Variants in PTN observed in about 807,000 individuals in gnomAD.
PTN encodes pleiotrophin.
A neutral mutation model predicts 24.1 loss-of-function variants in PTN; 18 were observed. That is an observed-to-expected ratio of 0.75 (90% confidence interval 0.52 to 1.11). PTN has a LOEUF of 1.11. Ranked by LOEUF, PTN falls within the 50% of genes least tolerant of loss-of-function variation. The pLI, the probability that PTN is intolerant of heterozygous loss-of-function variation, is 0.00. For missense variants in PTN, 163 were observed against 198.8 expected, an observed-to-expected ratio of 0.82 and a Z score of 1.08; for synonymous variants, 78 against 68.6, an observed-to-expected ratio of 1.14 and a Z score of -0.67.
At chr7:137,303,662 C>T (rs191974281) in intron 1 of PTN, among the ~76,000 whole-genome samples, 12 of 152,002 alleles carry the variant, frequency 7.9e-5, no homozygotes, top group African/African-American at 2.9e-4. Flanking sequence ...TAATTTGATT[C>T]TTATGTTAAT....
At chr7:137,253,012 A>T (rs1808855127) in intron 3 of PTN, among the ~76,000 whole-genome samples, 1 of 152,168 alleles carries the variant, frequency 6.6e-6, no homozygotes, top group Non-Finnish European at 1.5e-5. Flanking sequence ...GAGAATAAAT[A>T]AGAAAAGGGG....
intron 1 of PTN, among the ~76,000 whole-genome samples, chr7:137,257,254 G>A (rs1329342916): frequency 2.6e-5 from 4 of 152,184 alleles, no homozygotes; most frequent in Non-Finnish European, 5.9e-5. Context: ...TCTTCCTCCT[G>A]AGGCTAAATT....
At chr7:137,293,189 C>T (rs985672936) in intron 1 of PTN, among the ~76,000 whole-genome samples, 1 of 152,080 alleles carries the variant, frequency 6.6e-6, no homozygotes, top group South Asian at 2.1e-4. Context: ...GAGCTGAACA[C>T]CTGAATTGGC....
At chr7:137,337,490 T>TA (rs1415424789) in intron 1 of PTN, among the ~76,000 whole-genome samples, 2 of 152,132 alleles carry the variant, frequency 1.3e-5, no homozygotes, top group African/African-American at 2.4e-5. Flanking sequence ...GAAACATTTT[T>TA]AAAAACAGGC....
intron 1 of PTN, among the ~76,000 whole-genome samples, chr7:137,297,901 A>T (rs61600011): frequency 0.62 from 93,457 of 151,644 alleles, 29,237 homozygotes; most frequent in South Asian, 0.7. Context: ...AAGCTTTCCA[A>T]AGTGGGCAGG....
chr7:137,271,612 C>T (rs757135052), intron 1 of PTN, among the ~76,000 whole-genome samples: 1 of 152,200 alleles, frequency 6.6e-6, no homozygotes, highest in Non-Finnish European at 1.5e-5. Context: ...TCAAAGAAGA[C>T]TCGGCTGTTT....
chr7:137,256,171 T>C (rs1264583486), intron 1 of PTN, among the ~76,000 whole-genome samples: 2 of 152,204 alleles, frequency 1.3e-5, no homozygotes, highest in Non-Finnish European at 2.9e-5. Flanking sequence ...CTGTCTCTTA[T>C]TAGTGTTTTT....
chr7:137,299,937 C>A (rs911075670), intron 1 of PTN, among the ~76,000 whole-genome samples: 2 of 151,928 alleles, frequency 1.3e-5, no homozygotes, highest in Non-Finnish European at 2.9e-5. Context: ...TCAAAAGTCC[C>A]CTTCATTGGG....
chr7:137,264,880 G>A (rs1353562909), intron 1 of PTN, among the ~76,000 whole-genome samples: 1 of 152,140 alleles, frequency 6.6e-6, no homozygotes, highest in Non-Finnish European at 1.5e-5. Context: ...TAGACATGGG[G>A]GCCAGCCTTT....
At chr7:137,261,913 C>G (rs1353257030) in intron 1 of PTN, among the ~76,000 whole-genome samples, 1 of 152,142 alleles carries the variant, frequency 6.6e-6, no homozygotes, top group Non-Finnish European at 1.5e-5. Flanking sequence ...GATTTATACT[C>G]AAACAAAGTA....
intron 1 of PTN, among the ~76,000 whole-genome samples, chr7:137,305,124 T>C (rs1010813052): frequency 6.6e-6 from 1 of 151,918 alleles, no homozygotes; most frequent in Non-Finnish European, 1.5e-5. Context: ...ACACACAGAG[T>C]ACATCCTCTC....
chr7:137,300,560 G>T lies in PTN; in HGVS notation c.-2+42879C>A, dbSNP rs188466432. ...CCTTGGGAGGCAGGGGTGAGTTAGG[G>T]AGTTTTTCAGACACAGTAAAGCCTG... is the stretch of plus-strand genomic sequence containing the variant. On this transcript the variant is annotated intron_variant, in intron 1 of 4. Transcript: ENST00000348225. 1.1e-3 allele frequency among the ~76,000 whole-genome samples: 162 copies of T among 152,010 alleles called. No individual in the cohort carries two copies. The Middle Eastern group carries it at 0.014, about 13-fold the overall frequency.
intron 4 of PTN, among the ~76,000 whole-genome samples, chr7:137,240,516 T>C (rs1370985736): frequency 6.6e-6 from 1 of 152,138 alleles, no homozygotes; most frequent in Non-Finnish European, 1.5e-5. Flanking sequence ...CTAAAATATT[T>C]GCTGAAAGAA....
chr7:137,270,068 C>G (rs1354824616), intron 1 of PTN, among the ~76,000 whole-genome samples: 1 of 152,184 alleles, frequency 6.6e-6, no homozygotes, highest in East Asian at 1.9e-4. Context: ...GTGGTATTCT[C>G]AAGACACGAC....
chr7:137,316,138 C>T (rs1299091196), intron 1 of PTN, among the ~76,000 whole-genome samples: 1 of 152,164 alleles, frequency 6.6e-6, no homozygotes. Flanking sequence ...TGAACAGAAT[C>T]ATCTCTTAAG....
At chr7:137,288,908 A>C (rs1775076989) in intron 1 of PTN, among the ~76,000 whole-genome samples, 1 of 152,182 alleles carries the variant, frequency 6.6e-6, no homozygotes, top group African/African-American at 2.4e-5. Context: ...CAAATCAGAT[A>C]ATAACAAAAG....
At chr7:137,260,460 G>C (rs571513013) in intron 1 of PTN, among the ~76,000 whole-genome samples, 1 of 152,120 alleles carries the variant, frequency 6.6e-6, no homozygotes, top group South Asian at 2.1e-4. Flanking sequence ...TTATTTATTT[G>C]TATTATTTGA....
chr7:137,256,246 G>A (rs1213274966), intron 1 of PTN, among the ~76,000 whole-genome samples: 1 of 151,844 alleles, frequency 6.6e-6, no homozygotes, highest in Non-Finnish European at 1.5e-5. Flanking sequence ...GTGCAGGTTT[G>A]TTACACAGGT....
At chr7:137,318,097 T>C (rs796233590) in intron 1 of PTN, among the ~76,000 whole-genome samples, 18 of 152,160 alleles carry the variant, frequency 1.2e-4, no homozygotes, top group African/African-American at 4.3e-4. Flanking sequence ...TGAAACCTCA[T>C]CTCTACTGAA....
Sources: gnomAD v4.1 joint callset for allele counts (sites outside exome capture counted in the v4.1 genomes callset) on GRCh38, gnomAD v4.1.1 for gene constraint, MANE v1.5 for transcripts, NCBI Gene and HGNC (gene_info 2026-07-23, HGNC 2026-07-21) for gene names.